Variants in PATJ observed in about 807,000 individuals in gnomAD.
PATJ encodes the protein inaD-like protein.
PATJ carries 190 observed loss-of-function variants against 224.9 expected under a neutral mutation model. The observed-to-expected ratio is 0.84, with a 90% CI of 0.75 to 0.95. PATJ has a LOEUF of 0.95. Ranked by LOEUF, PATJ falls within the 40% of genes least tolerant of loss-of-function variation. The pLI is 0.00. For missense variants in PATJ, 2,121 were observed against 2,270.3 expected (o/e 0.93, Z 1.34); for synonymous variants, 769 against 820.3 (o/e 0.94, Z 1.07).
At chr1:62,056,717 G>A (rs2148618929) in intron 31 of PATJ, among the ~76,000 whole-genome samples, 2 of 152,242 alleles carry the variant, frequency 1.3e-5, no homozygotes, top group East Asian at 3.9e-4. Flanking sequence ...AGGGGCGGAG[G>A]TTGCAGTGAG....
At chr1:61,845,707 A>G (rs1661827658) in intron 17 of PATJ, among the ~76,000 whole-genome samples, 1 of 152,158 alleles carries the variant, frequency 6.6e-6, no homozygotes. Flanking sequence ...TTCAAGGATT[A>G]AAAAGAGCAA....
chr1:61,919,698 T>C (rs897073607), intron 26 of PATJ, among the ~76,000 whole-genome samples: 4 of 152,150 alleles, frequency 2.6e-5, no homozygotes, highest in Non-Finnish European at 5.9e-5. Context: ...TTTGTTTGTT[T>C]TTGTTTTTGT....
chr1:61,877,450 T>C (rs1258747746), intron 21 of PATJ, among the ~76,000 whole-genome samples: 1 of 152,056 alleles, frequency 6.6e-6, no homozygotes, highest in Admixed American at 6.6e-5. Context: ...TCAAATCTCA[T>C]GTTGAATCAT....
At chr1:61,817,695 G>A (rs942881872) in intron 14 of PATJ, among the ~76,000 whole-genome samples, 3 of 152,084 alleles carry the variant, frequency 2.0e-5, no homozygotes, top group African/African-American at 7.2e-5. Context: ...TTTTGGAAGG[G>A]TGAGAAAAAC....
chr1:61,885,249 G>A (rs529932986), intron 22 of PATJ, among the ~76,000 whole-genome samples: 3,352 of 152,046 alleles, frequency 0.022, 61 homozygotes, highest in Non-Finnish European at 0.032. Flanking sequence ...GCAACCTACA[G>A]AATGGGAGAA....
chr1:61,807,905 A>G (rs1312774998), intron 13 of PATJ, among the ~76,000 whole-genome samples: 5 of 152,182 alleles, frequency 3.3e-5, no homozygotes, highest in African/African-American at 1.2e-4. Flanking sequence ...GCTTAGAACA[A>G]TAGTTTTAGG....
intron 16 of PATJ, among the ~76,000 whole-genome samples, chr1:61,831,691 G>A (rs1407146968): frequency 6.6e-6 from 1 of 152,150 alleles, no homozygotes; most frequent in Admixed American, 6.5e-5. Flanking sequence ...CAGATGCTGG[G>A]GAGGTTGTGG....
At chr1:61,929,501 T>A (rs890149533) in intron 27 of PATJ, among the ~76,000 whole-genome samples, 6 of 152,244 alleles carry the variant, frequency 3.9e-5, no homozygotes, top group Non-Finnish European at 5.9e-5. Flanking sequence ...TGGTTTACCA[T>A]GTGCCAGGCA....
At chr1:61,803,866 A>AT (rs1431192786) in intron 12 of PATJ, among the ~76,000 whole-genome samples, 1 of 152,078 alleles carries the variant, frequency 6.6e-6, no homozygotes, top group African/African-American at 2.4e-5. Flanking sequence ...CATGTTATTC[A>AT]TTTTTTGATC....
chr1:62,028,612 C>G (rs1014366607), intron 29 of PATJ, among the ~76,000 whole-genome samples: 4 of 151,566 alleles, frequency 2.6e-5, no homozygotes, highest in Admixed American at 1.3e-4. Flanking sequence ...GACCTCATCT[C>G]TACTAAAATT....
chr1:61,837,284 G>C (rs576223618), intron 17 of PATJ, among the ~76,000 whole-genome samples: 2 of 152,192 alleles, frequency 1.3e-5, no homozygotes, highest in Non-Finnish European at 2.9e-5. Flanking sequence ...CTCAAAGATG[G>C]CACCACACTA....
At chr1:62,114,334 A>G in intron 35 of PATJ, 88 bp downstream of exon 35, 2 of 1,128,858 alleles carry the variant, frequency 1.8e-6, no homozygotes, top group Non-Finnish European at 2.5e-6. Flanking sequence ...CCTAATGTAA[A>G]GTAGTGATGG....
At chr1:61,882,514 C>T (rs571190038) in intron 21 of PATJ, among the ~76,000 whole-genome samples, 10 of 152,250 alleles carry the variant, frequency 6.6e-5, no homozygotes, top group South Asian at 2.1e-4. Flanking sequence ...TTGTATGAAA[C>T]GCTACCTGTC....
At chr1:62,057,365 G>C (rs74350872) in intron 31 of PATJ, among the ~76,000 whole-genome samples, 2 of 152,168 alleles carry the variant, frequency 1.3e-5, no homozygotes, top group Non-Finnish European at 2.9e-5. Flanking sequence ...AGATGGAAGC[G>C]AAATTGGAGT....
At chr1:62,108,269 TTTAA>T (rs1333591060) in intron 33 of PATJ, among the ~76,000 whole-genome samples, 164 bp from the exon 34 acceptor site, 2 of 152,150 alleles carry the variant, frequency 1.3e-5, no homozygotes, top group African/African-American at 4.8e-5. Flanking sequence ...CTTAGGAAAA[TTTAA>T]TTATACCTCT....
At chr1:61,931,342 T>C (rs544338517) in intron 27 of PATJ, among the ~76,000 whole-genome samples, 38 of 152,186 alleles carry the variant, frequency 2.5e-4, no homozygotes, top group African/African-American at 8.2e-4. Flanking sequence ...ATAAGGACTA[T>C]GAATAAAACA....
rs1026182529 is a variant in PATJ at position 61,920,739 on chromosome 1, G to T, written c.3570+6075G>T. On this transcript the variant is annotated intron_variant, in intron 26 of 43. Coordinates refer to ENST00000642238, the MANE Select transcript of PATJ (RefSeq NM_001350145.3). The stretch of plus-strand genomic sequence containing the variant: ...TTTTTTTTTTTTGAGACAGAGTCTC[G>T]CTCTGTTGCCCAGGCTGGAGTGCAG... Among the ~76,000 whole-genome samples the T allele has an allele frequency of 6.7e-5, 8 of 120,274 alleles. No individual in the cohort carries two copies. In the Admixed American group the frequency reaches 9.1e-4, roughly 14 times the overall value. 78.9% of individuals were successfully genotyped at this position (120,274 alleles called of 152,430 possible). A position where few individuals can be genotyped will look rare whatever the true frequency, so the allele number is the denominator to read the frequency against.
Position 61,827,466 on chromosome 1 carries a change from C to T in PATJ, c.1863C>T (p.Val621=), listed in dbSNP as rs911759057. Residue 621 remains valine, a synonymous_variant, in exon 16 of 44, where the codon GTC becomes GTT. Coordinates refer to ENST00000642238, the MANE Select transcript of PATJ (RefSeq NM_001350145.3). ...QLYGKSRREA[V]SFLKEVPPPF... ...ATGGAAAATCTCGCCGAGAAGCAGTCTCCTTTCTTAAAGAAGTGCCACCCC... is the reference window on the plus strand; with the variant it reads ...ATGGAAAATCTCGCCGAGAAGCAGTTTCCTTTCTTAAAGAAGTGCCACCCC... 6.2e-7 allele frequency: 1 copy of T among 1,613,998 alleles called. No individual in the cohort carries two copies.
At chr1:62,040,268 C>A (rs2148523715) in intron 30 of PATJ, among the ~76,000 whole-genome samples, 1 of 152,018 alleles carries the variant, frequency 6.6e-6, no homozygotes, top group East Asian at 1.9e-4. Flanking sequence ...ACTACCACGC[C>A]TGGCTAATTT....
Sources: gnomAD v4.1 joint callset for allele counts (sites outside exome capture counted in the v4.1 genomes callset) on GRCh38, gnomAD v4.1.1 for gene constraint, MANE v1.5 for transcripts, NCBI Gene and HGNC (gene_info 2026-07-23, HGNC 2026-07-21) for gene names.